Variants in MS4A4E observed in about 807,000 individuals in gnomAD.
MS4A4E encodes the protein putative membrane-spanning 4-domains subfamily A member 4E.
A neutral mutation model predicts 13.3 loss-of-function variants in MS4A4E; 23 were observed. The ratio of observed to expected loss-of-function variants is 1.73; its 90% CI spans 1.25 to 2.45. MS4A4E has a LOEUF of 2.45. MS4A4E is among the 30% of genes most tolerant of loss of function. The pLI is 0.00. For missense variants in MS4A4E, 144 were observed against 131.2 expected, an observed-to-expected ratio of 1.10 and a Z score of -0.48; for synonymous variants, 36 against 45.6, an observed-to-expected ratio of 0.79 and a Z score of 0.85.
chr11:60,217,239 T>C (rs2084207983), intron 3 of MS4A4E, among the ~76,000 whole-genome samples: 1 of 152,198 alleles, frequency 6.6e-6, no homozygotes, highest in South Asian at 2.1e-4. Flanking sequence ...CACAAGCTTT[T>C]ATCATGCGAT....
chr11:60,206,985 T>C (rs1289030431), intron 6 of MS4A4E, among the ~76,000 whole-genome samples: 1 of 152,158 alleles, frequency 6.6e-6, no homozygotes, highest in Admixed American at 6.5e-5. Flanking sequence ...GGATCAATCT[T>C]ACATGTGGAT....
At chr11:60,235,608 G>A (rs1299821125) in intron 1 of MS4A4E, among the ~76,000 whole-genome samples, 2 of 152,094 alleles carry the variant, frequency 1.3e-5, no homozygotes, top group Admixed American at 6.5e-5. Flanking sequence ...GAGGAAGACT[G>A]GATATCTTCT....
At chr11:60,211,017 C>G (rs1438498510) in intron 5 of MS4A4E, among the ~76,000 whole-genome samples, 1 of 152,194 alleles carries the variant, frequency 6.6e-6, no homozygotes, top group Non-Finnish European at 1.5e-5. Flanking sequence ...ACTCTGAGGT[C>G]CTGAGTAACT....
chr11:60,236,851 C>T (rs1462245719), intron 1 of MS4A4E, among the ~76,000 whole-genome samples: 1 of 151,972 alleles, frequency 6.6e-6, no homozygotes, highest in Non-Finnish European at 1.5e-5. Context: ...ATTCTCCTGC[C>T]TCAGCCTCCC....
At chr11:60,215,029 T>A (rs2084173607) in intron 3 of MS4A4E, among the ~76,000 whole-genome samples, 1 of 152,166 alleles carries the variant, frequency 6.6e-6, no homozygotes, top group Non-Finnish European at 1.5e-5. Flanking sequence ...TAAAATTTAG[T>A]TCCCAGTTAT....
chr11:60,232,852 C>T (rs1397771752), intron 1 of MS4A4E, among the ~76,000 whole-genome samples: 2 of 152,146 alleles, frequency 1.3e-5, no homozygotes, highest in East Asian at 3.9e-4. Flanking sequence ...AGCCAAACTG[C>T]CGCTATCTAC....
rs112100616 is a variant in MS4A4E, at chr11:60,225,374, C to A, written c.178+3220G>T. Reference sequence around the variant, plus strand: ...CTGATACCTAGGATGCTACTTCTACCGCAACTGTTTCTCTCTTTTGTCACA... The same window carrying A: ...CTGATACCTAGGATGCTACTTCTACAGCAACTGTTTCTCTCTTTTGTCACA... On this transcript the variant is annotated intron_variant, in intron 3 of 8. Coordinates refer to ENST00000651255, the MANE Select transcript of MS4A4E (RefSeq NM_001393391.1). 6.6e-3 allele frequency among the ~76,000 whole-genome samples: 999 copies of A among 152,190 alleles called. 10 individuals carry two copies. Among genetic ancestry groups the A allele is most frequent in the African/African-American group, 0.023 (951 of 41,492 alleles).
At chr11:60,202,161 G>A (rs1216959152) in intron 8 of MS4A4E, among the ~76,000 whole-genome samples, 1 of 152,210 alleles carries the variant, frequency 6.6e-6, no homozygotes, top group East Asian at 1.9e-4. Flanking sequence ...TAAGCAGACA[G>A]AGAATCAAAT....
chr11:60,225,047 A>G, intron 3 of MS4A4E: 1 of 1,568,790 alleles, frequency 6.4e-7, no homozygotes, highest in South Asian at 1.2e-5. Flanking sequence ...ACACATCATT[A>G]TTATTCCCAT....
At chr11:60,206,493 A>ATATATATACGTATATATG (rs2084047174) in intron 6 of MS4A4E, among the ~76,000 whole-genome samples, 2 of 80,720 alleles carry the variant, frequency 2.5e-5, no homozygotes, top group African/African-American at 1.0e-4. Flanking sequence ...ATATATGTAT[A>ATATATATACGTATATATG]TATATACGTA....
At chr11:60,240,100 G>C (rs1834554) in intron 1 of MS4A4E, among the ~76,000 whole-genome samples, 20,615 of 152,206 alleles carry the variant, frequency 0.14, 1,739 homozygotes, top group Middle Eastern at 0.26. Flanking sequence ...ATTATGTGGA[G>C]ATTACTTCAG....
intron 3 of MS4A4E, among the ~76,000 whole-genome samples, chr11:60,223,234 T>C (rs1221882753): frequency 6.6e-6 from 1 of 152,204 alleles, no homozygotes; most frequent in African/African-American, 2.4e-5. Flanking sequence ...ATGTATACAT[T>C]TGTAGTAAGA....
chr11:60,228,465 A>G (rs1482716965), intron 3 of MS4A4E, 129 bp downstream of exon 3: 1 of 530,682 alleles, frequency 1.9e-6, no homozygotes. Flanking sequence ...GCAATTATGT[A>G]GAACAGCAGG....
intron 6 of MS4A4E, among the ~76,000 whole-genome samples, chr11:60,208,353 G>T (rs58774671): frequency 6.6e-6 from 1 of 152,182 alleles, no homozygotes; most frequent in East Asian, 1.9e-4. Context: ...AATTAATTCC[G>T]CCACATTCAC....
intron 3 of MS4A4E, among the ~76,000 whole-genome samples, chr11:60,217,284 T>C (rs1272837411): frequency 2.6e-5 from 4 of 152,164 alleles, no homozygotes; most frequent in Admixed American, 1.3e-4. Flanking sequence ...ATGCATAGAC[T>C]CACCAGGTGT....
chr11:60,216,866 A>T (rs1334697663), intron 3 of MS4A4E, among the ~76,000 whole-genome samples: 1 of 152,218 alleles, frequency 6.6e-6, no homozygotes, highest in East Asian at 1.9e-4. Flanking sequence ...AAAAACATGG[A>T]AAGACTAGAC....
At chr11:60,231,348 G>A (rs2084409376) in intron 1 of MS4A4E, among the ~76,000 whole-genome samples, 1 of 151,920 alleles carries the variant, frequency 6.6e-6, no homozygotes, top group South Asian at 2.1e-4. Context: ...TAATGTAAAT[G>A]TGATTGAAGT....
chr11:60,224,540 G>A (rs1338266781), intron 3 of MS4A4E, among the ~76,000 whole-genome samples: 1 of 152,176 alleles, frequency 6.6e-6, no homozygotes, highest in Admixed American at 6.5e-5. Flanking sequence ...GTTGATTTGG[G>A]CATATGTATA....
intron 1 of MS4A4E, among the ~76,000 whole-genome samples, chr11:60,240,269 C>T (rs1027161467): frequency 3.9e-5 from 6 of 152,192 alleles, no homozygotes; most frequent in South Asian, 2.1e-4. Flanking sequence ...TGATACCTTC[C>T]GTTACATACC....
Sources: allele counts gnomAD v4.1 joint callset (sites outside exome capture counted in the v4.1 genomes callset), GRCh38; gene constraint gnomAD v4.1.1; transcripts MANE v1.5; gene names NCBI Gene and HGNC (gene_info 2026-07-23, HGNC 2026-07-21).